EPHA8: variants seen among roughly 807,000 people sequenced by gnomAD.
EPHA8 encodes EPH receptor A8.
EPHA8 carries 58 observed loss-of-function variants against 103.6 expected under a neutral mutation model. That is an observed-to-expected ratio of 0.56 (90% confidence interval 0.45 to 0.70). The LOEUF is 0.70. EPHA8 is among the 30% of genes least tolerant of loss of function. The probability of loss-of-function intolerance (pLI) is 0.00; values close to 1 mark genes in which losing one functional copy is unlikely to be tolerated. For synonymous variants in EPHA8, 559 were observed against 572.5 expected (o/e 0.98, Z 0.34); for missense variants, 1,304 against 1,395.2 (o/e 0.93, Z 1.04).
chr1:22,594,714 C>G (rs1420677846), intron 7 of EPHA8, among the ~76,000 whole-genome samples: 1 of 152,170 alleles, frequency 6.6e-6, no homozygotes, highest in African/African-American at 2.4e-5. Context: ...GCCTGGCACC[C>G]CCTGGAGACC....
intron 7 of EPHA8, 61 bp downstream of exon 7, chr1:22,593,747 G>A (rs1292338901): frequency 1.4e-6 from 2 of 1,465,094 alleles, no homozygotes; most frequent in Non-Finnish European, 1.8e-6. Context: ...CTGGGGTCGG[G>A]GGGTGGCCGA....
At chr1:22,581,833 A>AT (rs1482178591) in intron 3 of EPHA8, among the ~76,000 whole-genome samples, 4 of 152,214 alleles carry the variant, frequency 2.6e-5, no homozygotes, top group African/African-American at 9.6e-5. Context: ...AGGCAGTGAG[A>AT]TTTGGGAACG....
In EPHA8 at chr1:22,589,078, GCCTGCTGGTGGCCAA is replaced by G. The variant is rs749395970; in HGVS notation, c.1196_1210del (p.Val399_Leu403del). On this transcript the variant is annotated inframe_deletion, in exon 5 of 17. Transcript: ENST00000166244. The surrounding 1 kb of genome is among the most constrained non-coding windows in gnomAD (Gnocchi z 4.3). Reference sequence around the variant, plus strand: ...CAGCAGACAAGCCTGGTGCAGGCCAGCCTGCTGGTGGCCAACCTGCTGGCCCACATGAACTACTCC... The same window carrying G: ...CAGCAGACAAGCCTGGTGCAGGCCAGCCTGCTGGCCCACATGAACTACTCC... 6.2e-7 allele frequency: 1 copy of G among 1,613,456 alleles called. No homozygotes were observed. Among genetic ancestry groups the G allele is most frequent in the South Asian group, 1.1e-5 (1 of 91,050 alleles).
In EPHA8 at chr1:22,589,068, G is replaced by C; in HGVS notation, c.1177G>C (p.Val393Leu). ...CTTTGTGCCCCAGCAGACAAGCCTG[G>C]TGCAGGCCAGCCTGCTGGTGGCCAA... ...TRFVPQQTSL[V>L]QASLLVANLL... Residue 393 changes from valine to leucine, a missense_variant, in exon 5 of 17, where the codon GTG (valine) becomes CTG (leucine). Transcript: ENST00000166244. The surrounding 1 kb of genome is among the most constrained non-coding windows in gnomAD (Gnocchi z 4.3). 6.2e-7 allele frequency: 1 copy of C among 1,613,352 alleles called. No homozygotes were observed. The highest frequency in any genetic ancestry group is 1.1e-5 in the South Asian group (1 of 91,028).
intron 1 of EPHA8, among the ~76,000 whole-genome samples, chr1:22,565,015 A>T (rs923744068): frequency 3.9e-5 from 6 of 152,184 alleles, no homozygotes; most frequent in Admixed American, 6.5e-5. Flanking sequence ...CCAGGCCTGT[A>T]GAGACTGACA....
chr1:22,589,178 T>C lies in EPHA8; in HGVS notation c.1287T>C (p.Ala429=), dbSNP rs146860913. ...TGAGCCCCGAGCCCCGCCGGGCCGC[T>C]GTGGTCAACATCACCACGAACCAGG... ...SDLSPEPRRA[A]VVNITTNQAA... is the part of the protein sequence containing the mutation. Residue 429 remains alanine, a synonymous_variant, in exon 5 of 17, where the codon GCT becomes GCC. Transcript: ENST00000166244. The surrounding 1 kb of genome is among the most constrained non-coding windows in gnomAD (Gnocchi z 4.3). 825 of 1,613,932 alleles carry C rather than the reference T, an allele frequency of 5.1e-4. No homozygotes were observed. The highest frequency in any genetic ancestry group is 6.2e-4 in the Non-Finnish European group (730 of 1,179,978).
intron 4 of EPHA8, among the ~76,000 whole-genome samples, chr1:22,588,647 G>T (rs992239479): frequency 6.6e-6 from 1 of 152,012 alleles, no homozygotes; most frequent in African/African-American, 2.4e-5. Context: ...GGGGTCCCAG[G>T]GTTCTGTGCC....
At chr1:22,578,152 GTGTGTGCATGAGTGTA>G (rs1172693070) in intron 3 of EPHA8, among the ~76,000 whole-genome samples, 4 of 87,488 alleles carry the variant, frequency 4.6e-5, no homozygotes, top group Middle Eastern at 6.1e-3. Context: ...GTATGTGTGC[GTGTGTGCATGAGTGTA>G]TGTGTGCATG....
At position 22,576,382 on chromosome 1, in the gene EPHA8, A is replaced by C; in HGVS notation, c.325A>C (p.Asn109His). The part of the protein sequence containing the change: ...AEIKFTLRDC[N>H]SMPGVLGTCK... ...GATCAAGTTTACCCTGCGCGACTGC[A>C]ACAGCATGCCTGGTGTGCTGGGCAC... Residue 109 changes from asparagine (N) to histidine (H), a missense_variant, in exon 3 of 17, where the codon AAC (asparagine) becomes CAC (histidine). By Grantham distance (68) the Asn-to-His change is moderately conservative. Transcript: ENST00000166244. The surrounding 1 kb of genome is among the most constrained non-coding windows in gnomAD (Gnocchi z 4.8). 6.2e-7 allele frequency: 1 copy of C among 1,613,850 alleles called. No individual in the cohort carries two copies. Among genetic ancestry groups the C allele is most frequent in the Non-Finnish European group, 8.5e-7 (1 of 1,180,026 alleles).
intron 8 of EPHA8, among the ~76,000 whole-genome samples, chr1:22,595,808 C>T (rs72875469): frequency 8.5e-4 from 129 of 152,332 alleles, no homozygotes; most frequent in African/African-American, 3.0e-3. Context: ...ATGCCCCCAC[C>T]AAGGGTGGTT....
intron 3 of EPHA8, among the ~76,000 whole-genome samples, chr1:22,577,867 TTGTG>T (rs1238107297): frequency 9.2e-6 from 1 of 109,270 alleles, no homozygotes; most frequent in Non-Finnish European, 1.9e-5. Context: ...TATGTATGCA[TTGTG>T]TGGGCCTGTG....
In EPHA8 at chr1:22,601,286, C is replaced by T; in HGVS notation, c.2730-14C>T. 6.3e-7 allele frequency: 1 copy of T among 1,589,792 alleles called. No individual in the cohort carries two copies. Among genetic ancestry groups the T allele is most frequent in the Non-Finnish European group, 8.5e-7 (1 of 1,172,316 alleles). ...GAACCCTCTGGCCACTTACCAAGAG[C>T]CCCTGTGCCTCAGGTGCCCACCCCC... On this transcript the variant is annotated splice_polypyrimidine_tract_variant and intron_variant, in intron 15 of 16. Transcript: ENST00000166244.
At position 22,563,921 on chromosome 1, in the gene EPHA8, C is replaced by A. The variant is rs1414297242; in HGVS notation, c.94+192C>A. ...ACAGAGCGGTGGAGATGGGAACCCG[C>A]GAGCTTGAGGAAGACGGACAGGTAC... is the stretch of plus-strand genomic sequence containing the variant. On this transcript the variant is annotated intron_variant, in intron 1 of 16. Coordinates refer to ENST00000166244, the MANE Select transcript of EPHA8 (RefSeq NM_020526.5). The surrounding 1 kb of genome is among the most constrained non-coding windows in gnomAD (Gnocchi z 4.4). Among the ~76,000 whole-genome samples, 2 of 151,832 alleles carry A rather than the reference C, an allele frequency of 1.3e-5. No individual in the cohort carries two copies. Among genetic ancestry groups the A allele is most frequent in the Non-Finnish European group, 2.9e-5 (2 of 67,928 alleles).
At chr1:22,599,432 G>A (rs1366153933) in intron 13 of EPHA8, among the ~76,000 whole-genome samples, 3 of 152,062 alleles carry the variant, frequency 2.0e-5, no homozygotes, top group African/African-American at 7.2e-5. Flanking sequence ...AGGTGCCTTA[G>A]GGGCAGCCTT....
chr1:22,577,305 CT>C (rs2124522359), intron 3 of EPHA8, among the ~76,000 whole-genome samples: 1 of 152,310 alleles, frequency 6.6e-6, no homozygotes, highest in East Asian at 1.9e-4. Flanking sequence ...GTAGGAACTA[CT>C]GTTATCCTGG....
At position 22,593,716 on chromosome 1, in the gene EPHA8, A is replaced by C. The variant is rs748481572; in HGVS notation, c.1603+30A>C. ...GTGCAGGGAGGGGGCGTGGGCGCGG[A>C]GCAGCCCAGGTGCCAGGACCCTGGG... On this transcript the variant is annotated intron_variant, in intron 7 of 16. Transcript: ENST00000166244. 6 of 1,537,418 alleles carry C rather than the reference A, an allele frequency of 3.9e-6. No homozygotes were observed. In the South Asian group the frequency reaches 6.2e-5, roughly 16 times the overall value.
At chr1:22,595,118 G>T in intron 7 of EPHA8, 112 bp from the exon 8 acceptor site, 2 of 806,506 alleles carry the variant, frequency 2.5e-6, no homozygotes, top group Non-Finnish European at 3.8e-6. Flanking sequence ...ATGGCTCTGG[G>T]CTCCCCACTG....
chr1:22,564,440 G>T (rs1274952702), intron 1 of EPHA8, among the ~76,000 whole-genome samples: 1 of 151,808 alleles, frequency 6.6e-6, no homozygotes, highest in Non-Finnish European at 1.5e-5. Context: ...AGAGGGCTGG[G>T]GGATGGGGAG....
At chr1:22,580,159 A>T (rs1569986033) in intron 3 of EPHA8, among the ~76,000 whole-genome samples, 1 of 60,748 alleles carries the variant, frequency 1.6e-5, no homozygotes, top group Non-Finnish European at 3.2e-5. Flanking sequence ...TTTTTTGGAG[A>T]CGGAGTTTTC....
Sources: gnomAD v4.1 joint callset for allele counts (sites outside exome capture counted in the v4.1 genomes callset) on GRCh38, gnomAD v4.1.1 for gene constraint, Gnocchi (gnomAD v3.1) non-coding constraint, MANE v1.5 for transcripts, NCBI Gene and HGNC (gene_info 2026-07-23, HGNC 2026-07-21) for gene names.